Variants in PRKCH observed in about 807,000 individuals in gnomAD.
The protein encoded by PRKCH is protein kinase C eta.
A neutral mutation model predicts 82.5 loss-of-function variants in PRKCH; 28 were observed. The observed-to-expected ratio is 0.34, with a 90% CI of 0.25 to 0.47. The LOEUF (loss-of-function observed/expected upper bound fraction) is 0.47. Among genes scored for constraint, PRKCH ranks in the 20% least tolerant of loss-of-function variants. The pLI, the probability that PRKCH is intolerant of heterozygous loss-of-function variation, is 1.00. For missense variants in PRKCH, 705 were observed against 881.8 expected, an observed-to-expected ratio of 0.80 and a Z score of 2.54; for synonymous variants, 322 against 327.4, an observed-to-expected ratio of 0.98 and a Z score of 0.18.
intron 1 of PRKCH, among the ~76,000 whole-genome samples, chr14:61,272,235 A>T (rs1271606144): frequency 2.9e-5 from 2 of 69,642 alleles, no homozygotes; most frequent in African/African-American, 1.1e-4. Context: ...CTCCAAAAAA[A>T]AAAGATGACA....
chr14:61,543,176 C>A (rs1333316692), intron 12 of PRKCH, among the ~76,000 whole-genome samples: 1 of 152,216 alleles, frequency 6.6e-6, no homozygotes, highest in Non-Finnish European at 1.5e-5. Flanking sequence ...CCAGGACATT[C>A]CTATACAAAC....
intron 1 of PRKCH, among the ~76,000 whole-genome samples, chr14:61,202,330 C>T (rs1594849721): frequency 6.6e-6 from 1 of 152,192 alleles, no homozygotes; most frequent in East Asian, 1.9e-4. Context: ...ACTTCCTCTT[C>T]CGGTCTGTGT....
chr14:61,487,328 C>G lies in PRKCH; in HGVS notation c.1433+1672C>G, dbSNP rs144763485. ...TTGAAAGCAGTCTAGGATCTCTGCT[C>G]GTTCTTAGGTCACGGGGCTGCAGCA... On this transcript the variant is annotated intron_variant, in intron 10 of 13. Transcript: ENST00000332981. Among the ~76,000 whole-genome samples, 397 of 152,300 alleles carry G rather than the reference C, an allele frequency of 2.6e-3. 3 individuals carry two copies. Among genetic ancestry groups the G allele is most frequent in the South Asian group, 0.02 (97 of 4,828 alleles).
At chr14:61,215,371 C>G (rs1388573580) in intron 1 of PRKCH, among the ~76,000 whole-genome samples, 1 of 152,150 alleles carries the variant, frequency 6.6e-6, no homozygotes, top group Non-Finnish European at 1.5e-5. Context: ...AGAAACCCTG[C>G]CTAAGTTTCC....
At chr14:61,447,086 G>A (rs2140281560) in intron 4 of PRKCH, among the ~76,000 whole-genome samples, 1 of 152,216 alleles carries the variant, frequency 6.6e-6, no homozygotes, top group East Asian at 1.9e-4. Context: ...TTCTAACACT[G>A]ATCAAAAGCA....
intron 1 of PRKCH, among the ~76,000 whole-genome samples, chr14:61,196,103 A>G (rs1461219160): frequency 2.0e-5 from 3 of 152,122 alleles, no homozygotes; most frequent in African/African-American, 7.2e-5. Context: ...CCAAAAGCCA[A>G]TGCATAAAGT....
chr14:61,199,886 T>A (rs558751396), intron 1 of PRKCH, among the ~76,000 whole-genome samples: 4 of 152,224 alleles, frequency 2.6e-5, no homozygotes, highest in Admixed American at 1.3e-4. Flanking sequence ...CCCCCAATTT[T>A]GATTTTGTAT....
chr14:61,205,708 G>C (rs1472130285), intron 1 of PRKCH, among the ~76,000 whole-genome samples: 2 of 152,160 alleles, frequency 1.3e-5, no homozygotes, highest in Non-Finnish European at 2.9e-5. Context: ...GCACAGGACA[G>C]AGCTAAAATA....
At chr14:61,246,736 A>G (rs950930447) in intron 1 of PRKCH, among the ~76,000 whole-genome samples, 10 of 151,970 alleles carry the variant, frequency 6.6e-5, no homozygotes, top group African/African-American at 2.2e-4. Flanking sequence ...ACTTTTATTT[A>G]TGTGTGTGTG....
At chr14:61,347,315 G>C (rs1310076834) in intron 1 of PRKCH, among the ~76,000 whole-genome samples, 2 of 152,192 alleles carry the variant, frequency 1.3e-5, no homozygotes, top group East Asian at 1.9e-4. Flanking sequence ...AAGCAGTTTG[G>C]ATGTGCTGAT....
chr14:61,474,670 C>T (rs1040579771), intron 9 of PRKCH, among the ~76,000 whole-genome samples: 1 of 152,068 alleles, frequency 6.6e-6, no homozygotes, highest in African/African-American at 2.4e-5. Context: ...CAAACCTGCA[C>T]GTTGTGCACA....
chr14:61,357,979 G>T (rs2046173725), intron 1 of PRKCH, among the ~76,000 whole-genome samples: 1 of 152,092 alleles, frequency 6.6e-6, no homozygotes, highest in Admixed American at 6.5e-5. Context: ...GTGAGTATCT[G>T]AAAGCCTCCT....
At chr14:61,430,452 A>G (rs574248367) in intron 2 of PRKCH, among the ~76,000 whole-genome samples, 1 of 152,336 alleles carries the variant, frequency 6.6e-6, no homozygotes, top group African/African-American at 2.4e-5. Context: ...GTTCTTAGGT[A>G]TTTACCCAAG....
intron 1 of PRKCH, among the ~76,000 whole-genome samples, chr14:61,256,023 A>T (rs1318581947): frequency 6.6e-6 from 1 of 152,344 alleles, no homozygotes; most frequent in African/African-American, 2.4e-5. Flanking sequence ...CATAAAGTTT[A>T]GTGGCGCGAG....
intron 2 of PRKCH, among the ~76,000 whole-genome samples, chr14:61,432,001 T>C (rs1883418554): frequency 6.6e-6 from 1 of 152,124 alleles, no homozygotes; most frequent in African/African-American, 2.4e-5. Context: ...ATTCTCCCTC[T>C]ACCACTGTCT....
upstream of PRKCH, among the ~76,000 whole-genome samples, chr14:61,321,460 C>T (rs1211518690): frequency 1.3e-5 from 2 of 152,224 alleles, no homozygotes; most frequent in African/African-American, 4.8e-5. This position sits in a 1 kb window ranked among gnomAD's most constrained non-coding sequence, Gnocchi z 4.1. Context: ...CAGGGCGGCG[C>T]AAGCGGGCAC....
At chr14:61,403,310 T>G (rs1881752377) in intron 2 of PRKCH, among the ~76,000 whole-genome samples, 1 of 152,168 alleles carries the variant, frequency 6.6e-6, no homozygotes, top group Non-Finnish European at 1.5e-5. Flanking sequence ...TTTCTTACAT[T>G]CTTTCAAAAG....
At chr14:61,264,660 G>C (rs12880750) in intron 1 of PRKCH, among the ~76,000 whole-genome samples, 1,927 of 152,258 alleles carry the variant, frequency 0.013, 24 homozygotes, top group Non-Finnish European at 0.021. Context: ...TTAGTGACCT[G>C]TACAGGTCAC....
At position 61,446,213 on chromosome 14, in the gene PRKCH, C is replaced by T. The variant is rs141850251; in HGVS notation, c.613+487C>T. On this transcript the variant is annotated intron_variant, in intron 4 of 13. Transcript: ENST00000332981. ...AAAGTGAGAAATGTTCAAAGTTAAGCTGTCAGTGATCTTGTAAGTTACTAC... is the reference window on the plus strand; with the variant it reads ...AAAGTGAGAAATGTTCAAAGTTAAGTTGTCAGTGATCTTGTAAGTTACTAC... Among the ~76,000 whole-genome samples the T allele has an allele frequency of 8.2e-3, 1,233 of 150,262 alleles. 52 individuals are homozygous for T. Among genetic ancestry groups the T allele is most frequent in the Admixed American group, 0.071 (1,072 of 15,138 alleles).
Sources: allele counts gnomAD v4.1 joint callset (sites outside exome capture counted in the v4.1 genomes callset), GRCh38; gene constraint gnomAD v4.1.1; non-coding constraint Gnocchi (gnomAD v3.1); transcripts MANE v1.5; gene names NCBI Gene and HGNC (gene_info 2026-07-23, HGNC 2026-07-21).